IER3IP1: variants seen among roughly 807,000 people sequenced by gnomAD.
The protein encoded by IER3IP1 is immediate early response 3-interacting protein 1.
A neutral mutation model predicts 12.2 loss-of-function variants in IER3IP1; 16 were observed. That is an observed-to-expected ratio of 1.31 (90% CI 0.89 to 1.99). The LOEUF (loss-of-function observed/expected upper bound fraction) is 1.99. Ranked by LOEUF, IER3IP1 falls within the 30% of genes most tolerant of loss-of-function variation. IER3IP1 has a pLI of 0.00. For synonymous variants in IER3IP1, 42 were observed against 40.0 expected, an observed-to-expected ratio of 1.05 and a Z score of -0.19; for missense variants, 95 against 95.8, an observed-to-expected ratio of 0.99 and a Z score of 0.03.
intron 1 of IER3IP1, among the ~76,000 whole-genome samples, chr18:47,168,140 A>T (rs1452469284): frequency 1.4e-5 from 2 of 141,882 alleles, no homozygotes; most frequent in Admixed American, 7.2e-5. Context: ...AAAAAAAAAA[A>T]AAAAAAAAAA....
intron 1 of IER3IP1, among the ~76,000 whole-genome samples, chr18:47,169,566 T>C (rs1276401253): frequency 6.6e-6 from 1 of 152,042 alleles, no homozygotes; most frequent in Non-Finnish European, 1.5e-5. Flanking sequence ...ACCTCACCTA[T>C]ACTTGTTATT....
In IER3IP1 at chr18:47,172,153, C is replaced by A. The variant is rs1303536771; in HGVS notation, c.91+4034G>T. On this transcript the variant is annotated intron_variant, in intron 1 of 2. Coordinates refer to ENST00000256433, the MANE Select transcript of IER3IP1 (RefSeq NM_016097.5). This position sits in a 1 kb window ranked among gnomAD's most constrained non-coding sequence, Gnocchi z 4.0. ...TGATCATCCCCTCCTCCACTCTCTT[C>A]ATAGTGCTGACTTGTTGAAGAGACA... Among the ~76,000 whole-genome samples the A allele has an allele frequency of 2.0e-5, 3 of 152,146 alleles. No individual in the cohort carries two copies. The highest frequency in any genetic ancestry group is 4.4e-5 in the Non-Finnish European group (3 of 68,028).
chr18:47,163,286 TTTACTC>T (rs1023601405), intron 1 of IER3IP1, among the ~76,000 whole-genome samples: 1 of 152,132 alleles, frequency 6.6e-6, no homozygotes, highest in African/African-American at 2.4e-5. Context: ...TATTACAACA[TTTACTC>T]TGATAACCAA....
At chr18:47,168,416 T>C (rs1217409542) in intron 1 of IER3IP1, among the ~76,000 whole-genome samples, 1 of 152,184 alleles carries the variant, frequency 6.6e-6, no homozygotes, top group Non-Finnish European at 1.5e-5. Context: ...ATTCAGCCTG[T>C]AGCATTAGTG....
At chr18:47,156,311 G>A (rs557898209) in intron 2 of IER3IP1, 79 bp from the exon 3 acceptor site, 1 of 792,010 alleles carries the variant, frequency 1.3e-6, no homozygotes, top group East Asian at 2.4e-5. Flanking sequence ...TAGCCTCCAG[G>A]AACAATAGAA....
chr18:47,167,886 A>C (rs1184466600), intron 1 of IER3IP1, among the ~76,000 whole-genome samples: 1 of 151,948 alleles, frequency 6.6e-6, no homozygotes, highest in East Asian at 1.9e-4. Flanking sequence ...CACTTTAGGA[A>C]GCCGACGCGG....
chr18:47,160,280 T>C (rs1442570774), intron 1 of IER3IP1, among the ~76,000 whole-genome samples: 1 of 152,108 alleles, frequency 6.6e-6, no homozygotes. Context: ...TCCACTTATA[T>C]AGAGACCACA....
chr18:47,158,602 G>A (rs921382174), intron 1 of IER3IP1, among the ~76,000 whole-genome samples: 6 of 151,320 alleles, frequency 4.0e-5, no homozygotes, highest in East Asian at 2.0e-4. Context: ...TTGGCCTCCC[G>A]GATTACAGGC....
rs1166566606 is a variant in IER3IP1, at chr18:47,176,270, A to G, written c.8T>C (p.Phe3Ser). 3 of 1,608,574 alleles carry G rather than the reference A, an allele frequency of 1.9e-6. No homozygotes were observed. The highest frequency in any genetic ancestry group is 2.5e-6 in the Non-Finnish European group (3 of 1,177,724). MA[F>S]TLYSLLQAAL... The stretch of plus-strand genomic sequence containing the variant: ...TGCCTGCAGCAGTGAGTACAGGGTA[A>G]AGGCCATGGCCGTCCGAGGCCGCCC... The change falls in exon 1 of 3, where the codon TTT becomes TCT. Residue 3 changes from phenylalanine (F) to serine (S), a missense_variant. By Grantham distance (155) the Phe-to-Ser change is radical. Transcript: ENST00000256433.
chr18:47,173,618 G>A (rs917476786), intron 1 of IER3IP1, among the ~76,000 whole-genome samples: 1 of 152,122 alleles, frequency 6.6e-6, no homozygotes, highest in African/African-American at 2.4e-5. Flanking sequence ...TGCTAGGCAT[G>A]AGCCACCATG....
At chr18:47,170,613 G>A (rs1414542156) in intron 1 of IER3IP1, among the ~76,000 whole-genome samples, 5 of 151,932 alleles carry the variant, frequency 3.3e-5, no homozygotes, top group Admixed American at 3.3e-4. Context: ...AACTTGTACT[G>A]TTAAATTTAT....
chr18:47,160,035 A>T (rs978042475), intron 1 of IER3IP1, among the ~76,000 whole-genome samples: 1 of 152,128 alleles, frequency 6.6e-6, no homozygotes, highest in Non-Finnish European at 1.5e-5. Context: ...GTCTCTACTA[A>T]AAATACAAAA....
chr18:47,159,702 T>C (rs774385649), intron 1 of IER3IP1, among the ~76,000 whole-genome samples: 2 of 152,194 alleles, frequency 1.3e-5, no homozygotes, highest in Admixed American at 6.5e-5. Context: ...ATGGAGATAT[T>C]CCTTAAGAGC....
rs1941539679 is a variant in IER3IP1 at position 47,153,786 on chromosome 18, A to T, written c.*2391T>A. 1 of 152,192 alleles carries T rather than the reference A, an allele frequency of 6.6e-6. No homozygotes were observed. The highest frequency in any genetic ancestry group is 2.4e-5 in the African/African-American group (1 of 41,442). 9.4% of individuals were successfully genotyped at this position (152,192 alleles called of 1,614,324 possible). On this transcript the variant is annotated 3_prime_UTR_variant, in exon 3 of 3. Coordinates refer to ENST00000256433, the MANE Select transcript of IER3IP1 (RefSeq NM_016097.5). Reference sequence around the variant, plus strand: ...GATACTTTTTAGCTATATTTTTGAAAATTTAGGGTTTTATGGAAATGCCTT... The same window carrying T: ...GATACTTTTTAGCTATATTTTTGAATATTTAGGGTTTTATGGAAATGCCTT...
chr18:47,164,957 T>C (rs2063991522), intron 1 of IER3IP1, among the ~76,000 whole-genome samples: 1 of 152,212 alleles, frequency 6.6e-6, no homozygotes, highest in African/African-American at 2.4e-5. Flanking sequence ...AAACACATTC[T>C]TCTGCTGTCC....
intron 1 of IER3IP1, among the ~76,000 whole-genome samples, chr18:47,166,343 A>G (rs1230293981): frequency 6.6e-6 from 1 of 152,230 alleles, no homozygotes; most frequent in Non-Finnish European, 1.5e-5. Flanking sequence ...CTCGACAGAA[A>G]AGAAACTACA....
chr18:47,158,505 C>A (rs1344010904), intron 1 of IER3IP1, among the ~76,000 whole-genome samples: 1 of 151,910 alleles, frequency 6.6e-6, no homozygotes, highest in Non-Finnish European at 1.5e-5. Context: ...CCACACCCGG[C>A]TAATTTTTGT....
intron 1 of IER3IP1, among the ~76,000 whole-genome samples, chr18:47,173,291 C>G (rs147902137): frequency 4.8e-4 from 73 of 152,318 alleles, no homozygotes; most frequent in African/African-American, 1.8e-3. Flanking sequence ...GCCAAGAGAT[C>G]TTTGACTTCA....
At chr18:47,164,157 A>C (rs1221838963) in intron 1 of IER3IP1, among the ~76,000 whole-genome samples, 4 of 152,184 alleles carry the variant, frequency 2.6e-5, no homozygotes, top group African/African-American at 9.7e-5. Flanking sequence ...CTCTTCAACA[A>C]AACAAGATAA....
Sources: gnomAD v4.1 joint callset for allele counts (sites outside exome capture counted in the v4.1 genomes callset) on GRCh38, gnomAD v4.1.1 for gene constraint, Gnocchi (gnomAD v3.1) non-coding constraint, MANE v1.5 for transcripts, NCBI Gene and HGNC (gene_info 2026-07-23, HGNC 2026-07-21) for gene names.